Variants in DNM3 observed in about 807,000 individuals in gnomAD.
DNM3 encodes dynamin 3.
A neutral mutation model predicts 101.6 loss-of-function variants in DNM3; 47 were observed. The observed-to-expected ratio is 0.46, with a 90% confidence interval of 0.37 to 0.59. DNM3 has a LOEUF of 0.59. DNM3 is among the 20% of genes least tolerant of loss of function. The probability of loss-of-function intolerance (pLI) is 0.00; values close to 1 mark genes in which losing one functional copy is unlikely to be tolerated. For missense variants in DNM3, 849 were observed against 1,085.7 expected (o/e 0.78, Z 3.06); for synonymous variants, 385 against 387.9 (o/e 0.99, Z 0.09).
intron 1 of DNM3, among the ~76,000 whole-genome samples, chr1:171,858,824 C>T (rs1480715818): frequency 2.0e-5 from 3 of 152,154 alleles, no homozygotes; most frequent in Middle Eastern, 3.2e-3. Context: ...CCAACGATCT[C>T]CAGACAGCTT....
At chr1:172,266,729 C>T (rs1422546482) in intron 15 of DNM3, among the ~76,000 whole-genome samples, 1 of 152,096 alleles carries the variant, frequency 6.6e-6, no homozygotes, top group African/African-American at 2.4e-5. Flanking sequence ...CCCACACCCC[C>T]CTTGGAGTGT....
chr1:172,133,100 C>T, intron 14 of DNM3: 1 of 1,431,832 alleles, frequency 7.0e-7, no homozygotes, highest in Non-Finnish European at 9.1e-7. Flanking sequence ...TCAGCATTGA[C>T]ATGTTCCTGG....
chr1:171,889,710 T>C (rs2037094886), intron 1 of DNM3, among the ~76,000 whole-genome samples: 1 of 152,160 alleles, frequency 6.6e-6, no homozygotes, highest in Admixed American at 6.5e-5. Context: ...GAGAAAGAAT[T>C]TTTTTTGTTG....
At chr1:171,918,190 G>A (rs1359417490) in intron 1 of DNM3, among the ~76,000 whole-genome samples, 1 of 152,210 alleles carries the variant, frequency 6.6e-6, no homozygotes, top group Non-Finnish European at 1.5e-5. Flanking sequence ...AAAACACACT[G>A]TGGCTGTGTT....
At chr1:172,151,215 T>C (rs1346737329) in intron 14 of DNM3, among the ~76,000 whole-genome samples, 1 of 152,224 alleles carries the variant, frequency 6.6e-6, no homozygotes, top group Non-Finnish European at 1.5e-5. Context: ...CAGTGTTTTT[T>C]TGTAATCTTA....
intron 1 of DNM3, among the ~76,000 whole-genome samples, chr1:171,890,489 C>A (rs2037171490): frequency 6.6e-6 from 1 of 152,108 alleles, no homozygotes; most frequent in Non-Finnish European, 1.5e-5. Context: ...TTTAACAAAC[C>A]ATATTTCAAA....
intron 14 of DNM3, among the ~76,000 whole-genome samples, chr1:172,209,891 T>C (rs1466221557): frequency 6.6e-6 from 1 of 152,144 alleles, no homozygotes; most frequent in African/African-American, 2.4e-5. Flanking sequence ...AATTGTAAGA[T>C]GATATAATAC....
chr1:172,130,835 C>T (rs1376478365), intron 13 of DNM3, among the ~76,000 whole-genome samples: 3 of 152,128 alleles, frequency 2.0e-5, no homozygotes, highest in Non-Finnish European at 4.4e-5. Context: ...ATTGTTCATC[C>T]AGTCAACTAA....
At chr1:171,918,482 A>C (rs1344167869) in intron 1 of DNM3, among the ~76,000 whole-genome samples, 1 of 152,250 alleles carries the variant, frequency 6.6e-6, no homozygotes, top group East Asian at 1.9e-4. Flanking sequence ...AGAAGGAGAC[A>C]TATCTTTAGG....
At chr1:172,015,624 C>G (rs2047400104) in intron 4 of DNM3, among the ~76,000 whole-genome samples, 1 of 152,006 alleles carries the variant, frequency 6.6e-6, no homozygotes, top group Non-Finnish European at 1.5e-5. Context: ...ACCTTGTATT[C>G]TGTAAACTCT....
chr1:172,355,045 T>C (rs1208985613), intron 17 of DNM3, among the ~76,000 whole-genome samples: 2 of 152,160 alleles, frequency 1.3e-5, no homozygotes, highest in African/African-American at 4.8e-5. Context: ...AGGTTCCTCA[T>C]TCTGTAATTT....
intron 14 of DNM3, among the ~76,000 whole-genome samples, chr1:172,208,511 A>C (rs2060400477): frequency 6.6e-6 from 1 of 152,082 alleles, no homozygotes; most frequent in Non-Finnish European, 1.5e-5. Context: ...TCCGAGGAAA[A>C]GTGGATTTGC....
chr1:172,101,035 C>T (rs937573614), intron 13 of DNM3, among the ~76,000 whole-genome samples: 2 of 152,124 alleles, frequency 1.3e-5, no homozygotes, highest in Non-Finnish European at 1.5e-5. Context: ...TGACTTAGGC[C>T]ACATCATATG....
At chr1:172,009,606 T>C (rs1012989242) in intron 4 of DNM3, among the ~76,000 whole-genome samples, 1 of 151,842 alleles carries the variant, frequency 6.6e-6, no homozygotes, top group African/African-American at 2.4e-5. Context: ...GAAAAGTCAA[T>C]ACAGTACATT....
Position 172,054,045 on chromosome 1 carries a change from T to A in DNM3, c.1335+5295T>A, listed in dbSNP as rs975960216. On this transcript the variant is annotated intron_variant, in intron 10 of 20. Transcript: ENST00000627582. ...TAAACAAAGACTGCCTCAGGCAATG[T>A]GAAAATAAGTAATTCCAGCTATATT... is the stretch of plus-strand genomic sequence containing the variant. 4.6e-5 allele frequency among the ~76,000 whole-genome samples: 7 copies of A among 152,192 alleles called. 1 individual carries two copies. Among genetic ancestry groups the A allele is most frequent in the African/African-American group, 1.7e-4 (7 of 41,444 alleles).
chr1:172,377,612 T>G (rs906822125), intron 17 of DNM3, among the ~76,000 whole-genome samples: 2 of 145,004 alleles, frequency 1.4e-5, no homozygotes, highest in African/African-American at 2.6e-5. Context: ...CTCATTATCA[T>G]CAAGTTGTAG....
intron 14 of DNM3, among the ~76,000 whole-genome samples, chr1:172,218,225 C>G (rs2060775236): frequency 1.3e-5 from 2 of 152,020 alleles, no homozygotes; most frequent in African/African-American, 4.8e-5. Flanking sequence ...TTGAGCCAGA[C>G]TCTTAAGAAA....
chr1:172,207,788 C>T (rs1318916009), intron 14 of DNM3, among the ~76,000 whole-genome samples: 1 of 152,010 alleles, frequency 6.6e-6, no homozygotes, highest in African/African-American at 2.4e-5. Context: ...TTTTGGAAAT[C>T]TGAGTTTCAG....
At chr1:172,085,600 T>G (rs1295656520) in intron 12 of DNM3, among the ~76,000 whole-genome samples, 1 of 152,174 alleles carries the variant, frequency 6.6e-6, no homozygotes, top group Non-Finnish European at 1.5e-5. Flanking sequence ...ATCTGCTCAG[T>G]AGGTCTCAAC....
Sources: allele counts gnomAD v4.1 joint callset (sites outside exome capture counted in the v4.1 genomes callset), GRCh38; gene constraint gnomAD v4.1.1; transcripts MANE v1.5; gene names NCBI Gene and HGNC (gene_info 2026-07-23, HGNC 2026-07-21).